TUBAL3: variants seen among roughly 807,000 people sequenced by gnomAD.
TUBAL3 encodes tubulin alpha like 3.
A neutral mutation model predicts 15.5 loss-of-function variants in TUBAL3; 16 were observed. The ratio of observed to expected loss-of-function variants is 1.04; its 90% CI spans 0.70 to 1.57. TUBAL3 has a LOEUF of 1.57. TUBAL3 is among the 40% of genes most tolerant of loss of function. The pLI, the probability that TUBAL3 is intolerant of heterozygous loss-of-function variation, is 0.00. For synonymous variants in TUBAL3, 238 were observed against 224.3 expected (o/e 1.06, Z -0.55); for missense variants, 609 against 576.2 (o/e 1.06, Z -0.58).
At chr10:5,400,267 C>T (rs955644258) in intron 2 of TUBAL3, among the ~76,000 whole-genome samples, 7 of 152,166 alleles carry the variant, frequency 4.6e-5, no homozygotes, top group Non-Finnish European at 7.3e-5. Context: ...CAGGAAAAGA[C>T]TTAGTGTTCT....
At position 5,394,192 on chromosome 10, in the gene TUBAL3, AC is replaced by A; in HGVS notation, c.665del (p.Arg222LeufsTer34). The A allele has an allele frequency of 6.2e-7, 1 of 1,614,230 alleles. No individual in the cohort carries two copies. The highest frequency in any genetic ancestry group is 8.5e-7 in the Non-Finnish European group (1 of 1,180,034). Reference protein sequence around the residue: ...DNEAVYDICHRKLGVECPSHA... With the variant: ...DNEAVYDICHXKLGVECPSHA... ...GAGAGGGGCATTCAACACCGAGTTT[AC>A]GATGGCATATATCATAGACGGCCTC... On this transcript the variant is annotated frameshift_variant, in exon 4 of 4. Coordinates refer to ENST00000380419, the MANE Select transcript of TUBAL3 (RefSeq NM_024803.3). LOFTEE classifies it low-confidence loss of function (END_TRUNC). The surrounding 1 kb of genome is among the most constrained non-coding windows in gnomAD (Gnocchi z 4.3).
intron 1 of TUBAL3, among the ~76,000 whole-genome samples, chr10:5,402,079 A>G (rs1453847341): frequency 6.6e-6 from 1 of 152,212 alleles, no homozygotes; most frequent in Non-Finnish European, 1.5e-5. Context: ...ATGATGTCCA[A>G]TATGTTCAAA....
rs1446066167 is a variant in TUBAL3, at chr10:5,396,189, G to A, written c.248-714C>T. On this transcript the variant is annotated intron_variant, in intron 2 of 3. Coordinates refer to ENST00000380419, the MANE Select transcript of TUBAL3 (RefSeq NM_024803.3). This position sits in a 1 kb window ranked among gnomAD's most constrained non-coding sequence, Gnocchi z 5.1. ...AGACAAGTATTTTTATCTACAAATT[G>A]CGAACTGTGTGCTGGAAAGGCACAC... Among the ~76,000 whole-genome samples, 7 of 152,182 alleles carry A rather than the reference G, an allele frequency of 4.6e-5. No individual in the cohort carries two copies. The highest frequency in any genetic ancestry group is 2.0e-4 in the Admixed American group (3 of 15,286).
intron 2 of TUBAL3, among the ~76,000 whole-genome samples, chr10:5,399,605 G>A (rs1181790743): frequency 3.3e-5 from 5 of 152,162 alleles, no homozygotes; most frequent in Admixed American, 6.5e-5. Context: ...GCATCTTCAC[G>A]TCGAAGGCAA....
In TUBAL3 at chr10:5,394,258, G is replaced by A. The variant is rs782538763; in HGVS notation, c.600C>T (p.Ser200=). The change falls in exon 4 of 4, where the codon TCC becomes TCT. Residue 200 remains serine, a synonymous_variant. Transcript: ENST00000380419. The surrounding 1 kb of genome is among the most constrained non-coding windows in gnomAD (Gnocchi z 4.3). ...EPYNSVLTTH[S]TTEHTDCTFM... is the part of the protein sequence containing the mutation. ...AGGTACAGTCCGTGTGCTCTGTGGTGGAGTGGGTGGTGAGGACAGAGTTAT... is the reference window on the plus strand; with the variant it reads ...AGGTACAGTCCGTGTGCTCTGTGGTAGAGTGGGTGGTGAGGACAGAGTTAT... 6.8e-6 allele frequency: 11 copies of A among 1,614,094 alleles called. No individual in the cohort carries two copies. Among genetic ancestry groups the A allele is most frequent in the Non-Finnish European group, 9.3e-6 (11 of 1,180,060 alleles).
Position 5,395,908 on chromosome 10 carries a change from T to C in TUBAL3, c.248-433A>G, listed in dbSNP as rs1831757751. Among the ~76,000 whole-genome samples, 1 of 152,174 alleles carries C rather than the reference T, an allele frequency of 6.6e-6. No homozygotes were observed. Among genetic ancestry groups the C allele is most frequent in the Non-Finnish European group, 1.5e-5 (1 of 68,030 alleles). ...ACAATTCTTAGCTCTCCTTGGCTTC[T>C]AGCTACCCCCTTCCAATCTCTACCT... On this transcript the variant is annotated intron_variant, in intron 2 of 3. Coordinates refer to ENST00000380419, the MANE Select transcript of TUBAL3 (RefSeq NM_024803.3). The surrounding 1 kb of genome is among the most constrained non-coding windows in gnomAD (Gnocchi z 4.6).
chr10:5,403,357 A>G (rs782772870), intron 1 of TUBAL3, among the ~76,000 whole-genome samples: 40 of 152,286 alleles, frequency 2.6e-4, no homozygotes, highest in Middle Eastern at 6.8e-3. Flanking sequence ...TTAACATTTT[A>G]AAAGGAGAGG....
rs186242250 is a variant in TUBAL3 at position 5,394,327 on chromosome 10, C to T, written c.531G>A (p.Ser177=). The change falls in exon 4 of 4, where the codon TCG becomes TCA. Residue 177 remains serine, a synonymous_variant. Coordinates refer to ENST00000380419, the MANE Select transcript of TUBAL3 (RefSeq NM_024803.3). This position sits in a 1 kb window ranked among gnomAD's most constrained non-coding sequence, Gnocchi z 4.3. ...TGGAGATCCTGGGGGCTGGGTAGACCGAGAACTCCAGCTTAGTCTTTCTGC... is the reference window on the plus strand; with the variant it reads ...TGGAGATCCTGGGGGCTGGGTAGACTGAGAACTCCAGCTTAGTCTTTCTGC... ...EYSRKTKLEF[S]VYPAPRISTA... The T allele has an allele frequency of 5.5e-4, 888 of 1,614,072 alleles. 12 individuals are homozygous for T. In the Admixed American group the frequency reaches 0.013, roughly 24 times the overall value.
chr10:5,397,056 A>G lies in TUBAL3; in HGVS notation c.248-1581T>C, dbSNP rs1554814219. Among the ~76,000 whole-genome samples, 1 of 152,208 alleles carries G rather than the reference A, an allele frequency of 6.6e-6. No individual in the cohort carries two copies. The highest frequency in any genetic ancestry group is 2.4e-5 in the African/African-American group (1 of 41,454). ...GGCCCATATAACAACAGCAATTATAAGTAACAATGATAGAACTGGCTTCAT... is the reference window on the plus strand; with the variant it reads ...GGCCCATATAACAACAGCAATTATAGGTAACAATGATAGAACTGGCTTCAT... On this transcript the variant is annotated intron_variant, in intron 2 of 3. Coordinates refer to ENST00000380419, the MANE Select transcript of TUBAL3 (RefSeq NM_024803.3). This position sits in a 1 kb window ranked among gnomAD's most constrained non-coding sequence, Gnocchi z 4.9.
rs1831739330 is a variant in TUBAL3 at position 5,394,889 on chromosome 10, G to A, written c.397-428C>T. ...ACACCAAAACTCTTACTTAGCAAAG[G>A]GTCTCCAGACTCAGGCCCCTAAAGA... On this transcript the variant is annotated intron_variant, in intron 3 of 3. Transcript: ENST00000380419. The surrounding 1 kb of genome is among the most constrained non-coding windows in gnomAD (Gnocchi z 4.3). 6.6e-6 allele frequency among the ~76,000 whole-genome samples: 1 copy of A among 152,072 alleles called. No individual in the cohort carries two copies. Among genetic ancestry groups the A allele is most frequent in the Non-Finnish European group, 1.5e-5 (1 of 68,012 alleles).
intron 1 of TUBAL3, among the ~76,000 whole-genome samples, chr10:5,403,275 C>G (rs540897251): frequency 6.6e-6 from 1 of 152,232 alleles, no homozygotes; most frequent in Non-Finnish European, 1.5e-5. Flanking sequence ...CTCTCCCCTT[C>G]TGTCGGACTT....
intron 2 of TUBAL3, among the ~76,000 whole-genome samples, chr10:5,398,797 G>A (rs782009595): frequency 2.0e-5 from 3 of 152,058 alleles, no homozygotes; most frequent in African/African-American, 2.4e-5. Context: ...GTTAGTGTGA[G>A]TATATTTTAT....
Position 5,393,744 on chromosome 10 carries a change from C to T in TUBAL3, c.1114G>A (p.Gly372Ser), listed in dbSNP as rs372369046. 9.9e-6 allele frequency: 16 copies of T among 1,614,066 alleles called. No individual in the cohort carries two copies. Among genetic ancestry groups the T allele is most frequent in the African/African-American group, 1.3e-5 (1 of 74,928 alleles). ...INNRPPTVMP[G>S]GDLAKVHRSI... The stretch of plus-strand genomic sequence containing the variant: ...CGGTGGACTTTGGCCAGGTCCCCAC[C>T]CGGCATCACCGTGGGCGGCCGATTG... Residue 372 changes from glycine (G) to serine (S), a missense_variant, in exon 4 of 4, where the codon GGT becomes AGT. Coordinates refer to ENST00000380419, the MANE Select transcript of TUBAL3 (RefSeq NM_024803.3).
In TUBAL3 at chr10:5,395,315, G is replaced by C. The variant is rs1554813981; in HGVS notation, c.396+12C>G. 6.6e-7 allele frequency: 1 copy of C among 1,524,598 alleles called. No homozygotes were observed. Among genetic ancestry groups the C allele is most frequent in the Non-Finnish European group, 8.9e-7 (1 of 1,126,732 alleles). The allele number at this position is 1,524,598 out of a possible 1,614,324, so 94.4% of individuals were successfully genotyped here. A position where few individuals can be genotyped will look rare whatever the true frequency, so the allele number is the denominator to read the frequency against. ...GGCACAGCCCACTCGGAGGAGAGGG[G>C]GAGCCACTTGCCAGCTTCCGGGTCC... On this transcript the variant is annotated intron_variant, in intron 3 of 3. Transcript: ENST00000380419. The surrounding 1 kb of genome is among the most constrained non-coding windows in gnomAD (Gnocchi z 4.6).
chr10:5,398,887 C>A (rs1412037431), intron 2 of TUBAL3, among the ~76,000 whole-genome samples: 1 of 152,014 alleles, frequency 6.6e-6, no homozygotes, highest in Non-Finnish European at 1.5e-5. Context: ...GTAGAAATGT[C>A]TATTAAGTTG....
Position 5,396,198 on chromosome 10 carries a change from GTGCTGGAAAGGCAC to G in TUBAL3, c.248-737_248-724del, listed in dbSNP as rs1233207777. ...TTTTTATCTACAAATTGCGAACTGT[GTGCTGGAAAGGCAC>G]ACAGAAAGGCATATCCAGGGCACAG... On this transcript the variant is annotated intron_variant, in intron 2 of 3. Coordinates refer to ENST00000380419, the MANE Select transcript of TUBAL3 (RefSeq NM_024803.3). This position sits in a 1 kb window ranked among gnomAD's most constrained non-coding sequence, Gnocchi z 5.1. Among the ~76,000 whole-genome samples the G allele has an allele frequency of 6.6e-6, 1 of 152,166 alleles. No homozygotes were observed. The highest frequency in any genetic ancestry group is 2.4e-5 in the African/African-American group (1 of 41,432).
intron 2 of TUBAL3, among the ~76,000 whole-genome samples, chr10:5,399,507 C>T (rs946202827): frequency 2.2e-4 from 33 of 152,338 alleles, no homozygotes; most frequent in African/African-American, 7.9e-4. Context: ...AGACTTCCAG[C>T]CTCCAGAATC....
Position 5,397,365 on chromosome 10 carries a change from T to C in TUBAL3, c.248-1890A>G, listed in dbSNP as rs1831780642. 6.6e-6 allele frequency among the ~76,000 whole-genome samples: 1 copy of C among 152,198 alleles called. No individual in the cohort carries two copies. The highest frequency in any genetic ancestry group is 1.5e-5 in the Non-Finnish European group (1 of 68,026). Reference sequence around the variant, plus strand: ...GAGCTAGGATGTTTAAAAGATATATTTATAAACAAGATATAAGTGAAAGTG... The same window carrying C: ...GAGCTAGGATGTTTAAAAGATATATCTATAAACAAGATATAAGTGAAAGTG... On this transcript the variant is annotated intron_variant, in intron 2 of 3. Coordinates refer to ENST00000380419, the MANE Select transcript of TUBAL3 (RefSeq NM_024803.3). The surrounding 1 kb of genome is among the most constrained non-coding windows in gnomAD (Gnocchi z 4.9).
chr10:5,393,856 T>C lies in TUBAL3; in HGVS notation c.1002A>G (p.Glu334=). The C allele has an allele frequency of 6.2e-7, 1 of 1,614,188 alleles. No homozygotes were observed. The highest frequency in any genetic ancestry group is 1.3e-5 in the African/African-American group (1 of 75,036). Residue 334 remains glutamate (E), a synonymous_variant, in exon 4 of 4, where the codon GAA becomes GAG. Coordinates refer to ENST00000380419, the MANE Select transcript of TUBAL3 (RefSeq NM_024803.3). ...TCGTGGCTGCGATTGCTGCATTCAC[T>C]TCCTTGGGGACCACATCCCCTCTAT... is the stretch of plus-strand genomic sequence containing the variant. ...LLYRGDVVPK[E]VNAAIAATKS... is the part of the protein sequence containing the mutation.
Sources: allele counts gnomAD v4.1 joint callset (sites outside exome capture counted in the v4.1 genomes callset), GRCh38; gene constraint gnomAD v4.1.1; non-coding constraint Gnocchi (gnomAD v3.1); transcripts MANE v1.5; gene names NCBI Gene and HGNC (gene_info 2026-07-23, HGNC 2026-07-21).